NLRX1: variants seen among roughly 807,000 people sequenced by gnomAD.
The protein encoded by NLRX1 is NLR family member X1.
NLRX1 carries 67 observed loss-of-function variants against 74.2 expected under a neutral mutation model. That is an observed-to-expected ratio of 0.90 (90% CI 0.74 to 1.11). NLRX1 has a LOEUF of 1.11. Among genes scored for constraint, NLRX1 ranks in the 50% least tolerant of loss-of-function variants. The pLI, the probability that NLRX1 is intolerant of heterozygous loss-of-function variation, is 0.00. For synonymous variants in NLRX1, 506 were observed against 559.1 expected (o/e 0.91, Z 1.34); for missense variants, 1,191 against 1,305.4 (o/e 0.91, Z 1.35).
In NLRX1 at chr11:119,174,521, T is replaced by C. The variant is rs1369757042; in HGVS notation, c.918T>C (p.Tyr306=). Residue 306 remains tyrosine, a synonymous_variant, in exon 6 of 10, where the codon TAT becomes TAC. Transcript: ENST00000409109. ...GRIPSKYVGR[Y]GEICGFSDTN... ...TCCCCAGCAAGTACGTGGGCCGCTA[T>C]GGTGAGATCTGCGGTTTCTCTGATA... 1.1e-5 allele frequency: 17 copies of C among 1,614,132 alleles called. No individual in the cohort carries two copies. The highest frequency in any genetic ancestry group is 2.2e-5 in the East Asian group (1 of 44,900).
chr11:119,175,576 C>T (rs1948684094), intron 6 of NLRX1, among the ~76,000 whole-genome samples: 1 of 152,138 alleles, frequency 6.6e-6, no homozygotes, highest in South Asian at 2.1e-4. Context: ...AAATGGTTTC[C>T]TTTTTGTGTC....
intron 6 of NLRX1, 142 bp downstream of exon 6, chr11:119,175,416 C>A (rs1298054687): frequency 5.6e-6 from 4 of 719,202 alleles, no homozygotes; most frequent in African/African-American, 3.6e-5. Context: ...AGGTATGAAT[C>A]TTCTCCCTGG....
Position 119,180,191 on chromosome 11 carries a change from A to C in NLRX1, c.2170A>C (p.Arg724=), listed in dbSNP as rs1250975349. ...GGTGGCAGCTGTGCTGGGCAGCGGA[A>C]GGCATGCCCTGGATGAGGTGAACTT... ...TVVAAVLGSG[R]HALDEVNLAS... Residue 724 remains arginine, a synonymous_variant, in exon 7 of 10, where the codon AGG becomes CGG. Transcript: ENST00000409109. 5 of 1,612,774 alleles carry C rather than the reference A, an allele frequency of 3.1e-6. No homozygotes were observed. The East Asian group carries it at 8.9e-5, about 29-fold the overall frequency.
At chr11:119,178,698 C>CT (rs568546412) in intron 6 of NLRX1, among the ~76,000 whole-genome samples, 1,728 of 126,510 alleles carry the variant, frequency 0.014, 70 homozygotes, top group Admixed American at 0.089. Context: ...ACCCTGGAGG[C>CT]TTTTTTTTTT....
chr11:119,181,899 C>A (rs1298009025), intron 8 of NLRX1, among the ~76,000 whole-genome samples, 195 bp from the exon 9 acceptor site: 2 of 152,270 alleles, frequency 1.3e-5, no homozygotes, highest in Middle Eastern at 3.4e-3. Flanking sequence ...GCGCCACACC[C>A]CCTATTGCTC....
Position 119,173,509 on chromosome 11 carries a change from C to T in NLRX1, c.260C>T (p.Ala87Val), listed in dbSNP as rs890140862. 10 of 1,614,014 alleles carry T rather than the reference C, an allele frequency of 6.2e-6. No homozygotes were observed. The highest frequency in any genetic ancestry group is 3.3e-4 in the Middle Eastern group (2 of 6,062). Residue 87 changes from alanine (A) to valine (V), a missense_variant, in exon 5 of 10, where the codon GCT (alanine) becomes GTT (valine). Coordinates refer to ENST00000409109, the MANE Select transcript of NLRX1 (RefSeq NM_001282144.2). This position sits in a 1 kb window ranked among gnomAD's most constrained non-coding sequence, Gnocchi z 4.0. ...ATACAGCGGCACCGCCGGAACCTGG[C>T]TGAGTGGTTCAGCCGGCTGCCCAGG... is the stretch of plus-strand genomic sequence containing the variant. ...EAIQRHRRNL[A>V]EWFSRLPREE...
At chr11:119,182,953 C>A (rs1387836995) in intron 9 of NLRX1, among the ~76,000 whole-genome samples, 165 bp from the exon 10 acceptor site, 6 of 152,080 alleles carry the variant, frequency 3.9e-5, no homozygotes, top group Non-Finnish European at 7.4e-5. Context: ...TTAGTCCCTG[C>A]CTCCCACTGG....
chr11:119,182,299 G>A lies in NLRX1; in HGVS notation c.2560G>A (p.Ala854Thr), dbSNP rs1948860168. The A allele has an allele frequency of 6.2e-7, 1 of 1,613,416 alleles. No individual in the cohort carries two copies. Among genetic ancestry groups the A allele is most frequent in the Non-Finnish European group, 8.5e-7 (1 of 1,180,004 alleles). Residue 854 changes from alanine (A) to threonine (T), a missense_variant, in exon 9 of 10, where the codon GCC becomes ACC. Physicochemically the swap from Ala to Thr is moderately conservative, Grantham distance 58. Transcript: ENST00000409109. ...CGGTGCTGGTGACACAGCGGCCCTG[G>A]CCCTGGCCAGAGCTGCCCGGGAGCA... ...YNGAGDTAAL[A>T]LARAAREHPS...
intron 6 of NLRX1, among the ~76,000 whole-genome samples, chr11:119,178,970 C>CCA (rs1221884551): frequency 6.6e-6 from 1 of 152,146 alleles, no homozygotes; most frequent in African/African-American, 2.4e-5. Context: ...CGGGCATGAG[C>CCA]CACTGCACCT....
At chr11:119,171,306 T>G (rs1592319604) in intron 1 of NLRX1, 50 bp from the exon 2 acceptor site, 1 of 1,334,128 alleles carries the variant, frequency 7.5e-7, no homozygotes, top group Non-Finnish European at 1.0e-6. Context: ...GGGTTAGGGG[T>G]GCAGGGGAGG....
Position 119,174,455 on chromosome 11 carries a change from C to T in NLRX1, c.852C>T (p.Ala284=), listed in dbSNP as rs147963971. 108 of 1,612,638 alleles carry T rather than the reference C, an allele frequency of 6.7e-5. No homozygotes were observed. Among genetic ancestry groups the T allele is most frequent in the Non-Finnish European group, 8.6e-5 (101 of 1,179,052 alleles). The change falls in exon 6 of 10, where the codon GCC becomes GCT. Residue 284 remains alanine, a splice_region_variant and synonymous_variant. Transcript: ENST00000409109. The part of the protein sequence containing the change: ...NLLRKYMLPQ[A]SILVTTRPSA... ...ACTCTCAACCATGCTCTTCCCAGGC[C>T]AGCATTCTGGTGACCACTCGGCCCT...
In NLRX1 at chr11:119,179,974, C is replaced by A; in HGVS notation, c.1953C>A (p.Ala651=). 1 of 1,613,714 alleles carries A rather than the reference C, an allele frequency of 6.2e-7. No individual in the cohort carries two copies. The highest frequency in any genetic ancestry group is 8.5e-7 in the Non-Finnish European group (1 of 1,179,890). Reference sequence around the variant, plus strand: ...GCTGCCCCATCAAGAACCTGGATGCCCTGGAGAATGCCCAGGCCATCAAGA... The same window carrying A: ...GCTGCCCCATCAAGAACCTGGATGCACTGGAGAATGCCCAGGCCATCAAGA... The part of the protein sequence containing the change: ...QLGCPIKNLD[A]LENAQAIKKK... The change falls in exon 7 of 10, where the codon GCC becomes GCA. Residue 651 remains alanine (A), a synonymous_variant. Transcript: ENST00000409109.
In NLRX1 at chr11:119,174,013, G is replaced by A; in HGVS notation, c.764G>A (p.Gly255Asp). 6.2e-7 allele frequency: 1 copy of A among 1,614,162 alleles called. No individual in the cohort carries two copies. Among genetic ancestry groups the A allele is most frequent in the Non-Finnish European group, 8.5e-7 (1 of 1,180,028 alleles). ...EHLNLDFRLA[G>D]TGLCSDPEEP... Reference sequence around the variant, plus strand: ...CTCAACCTCGACTTCCGGCTGGCAGGCACGGGACTTTGTAGTGACCCGGAG... The same window carrying A: ...CTCAACCTCGACTTCCGGCTGGCAGACACGGGACTTTGTAGTGACCCGGAG... Residue 255 changes from glycine to aspartate, a missense_variant, in exon 5 of 10, where the codon GGC becomes GAC. Transcript: ENST00000409109.
intron 2 of NLRX1, 57 bp downstream of exon 2, chr11:119,171,530 A>G (rs1948548883): frequency 7.7e-7 from 1 of 1,297,536 alleles, no homozygotes; most frequent in Non-Finnish European, 1.1e-6. Flanking sequence ...CAGGGTCCAC[A>G]TGATGCCTCC....
Position 119,183,865 on chromosome 11 carries a change from A to C in NLRX1, c.*426A>C. ...TGTTGGAAGCTTCCCCTCCTGCCTT[A>C]TGCTCACCTGTGGACACCGAGGATG... is the stretch of plus-strand genomic sequence containing the variant. On this transcript the variant is annotated 3_prime_UTR_variant, in exon 10 of 10. Coordinates refer to ENST00000409109, the MANE Select transcript of NLRX1 (RefSeq NM_001282144.2). This position sits in a 1 kb window ranked among gnomAD's most constrained non-coding sequence, Gnocchi z 5.7. The C allele has an allele frequency of 1.3e-6, 1 of 780,764 alleles. No homozygotes were observed. The allele number at this position is 780,764 out of a possible 1,614,324, so 48.4% of individuals were successfully genotyped here. A position where few individuals can be genotyped will look rare whatever the true frequency, so the allele number is the denominator to read the frequency against.
chr11:119,174,561 C>A lies in NLRX1; in HGVS notation c.958C>A (p.Leu320Ile). The change falls in exon 6 of 10, where the codon CTC becomes ATC. Residue 320 changes from leucine to isoleucine, a missense_variant. Leu to Ile is a conservative substitution (Grantham distance 5). Transcript: ENST00000409109. ...CGFSDTNLQK[L>I]YFQLRLNQPY... ...TTTCTCTGATACCAACCTGCAGAAG[C>A]TCTACTTCCAGCTCCGCCTCAACCA... The A allele has an allele frequency of 6.2e-7, 1 of 1,614,200 alleles. No individual in the cohort carries two copies. The highest frequency in any genetic ancestry group is 8.5e-7 in the Non-Finnish European group (1 of 1,180,044).
At position 119,183,026 on chromosome 11, in the gene NLRX1, G is replaced by A; in HGVS notation, c.2607-92G>A. On this transcript the variant is annotated intron_variant, in intron 9 of 9. Coordinates refer to ENST00000409109, the MANE Select transcript of NLRX1 (RefSeq NM_001282144.2). This position sits in a 1 kb window ranked among gnomAD's most constrained non-coding sequence, Gnocchi z 5.7. ...ATCGCACTCTGCAGCCAGGAGATGAGTTGTGAGGCCCCCTGACTTTCCATC... is the reference window on the plus strand; with the variant it reads ...ATCGCACTCTGCAGCCAGGAGATGAATTGTGAGGCCCCCTGACTTTCCATC... The A allele has an allele frequency of 8.4e-7, 1 of 1,190,600 alleles. No homozygotes were observed. The highest frequency in any genetic ancestry group is 1.2e-6 in the Non-Finnish European group (1 of 844,988). The allele number at this position is 1,190,600 out of a possible 1,614,324, so 73.8% of individuals were successfully genotyped here.
In NLRX1 at chr11:119,182,201, A is replaced by G; in HGVS notation, c.2462A>G (p.Asp821Gly). The change falls in exon 9 of 10, where the codon GAC (aspartate) becomes GGC (glycine). Residue 821 changes from aspartate (D) to glycine (G), a missense_variant. Asp to Gly is a moderately conservative substitution (Grantham distance 94, BLOSUM62 -1). Coordinates refer to ENST00000409109, the MANE Select transcript of NLRX1 (RefSeq NM_001282144.2). Reference protein sequence around the residue: ...HLSLLHTGLGDEGLELLAAQL... With the variant: ...HLSLLHTGLGGEGLELLAAQL... ...TCCCTGCTGCACACGGGCCTTGGGG[A>G]CGAAGGCCTGGAGCTGCTGGCTGCC... 1 of 1,614,050 alleles carries G rather than the reference A, an allele frequency of 6.2e-7. No individual in the cohort carries two copies.
chr11:119,171,431 G>C lies in NLRX1; in HGVS notation c.28G>C (p.Ala10Pro). Residue 10 changes from alanine to proline, a missense_variant, in exon 2 of 10, where the codon GCC (alanine) becomes CCC (proline). Coordinates refer to ENST00000409109, the MANE Select transcript of NLRX1 (RefSeq NM_001282144.2). ...GAGGTGGGGCCACCATTTGCCCAGGGCCTCTTGGGGCTCTGGTTTTAGAAG... is the reference window on the plus strand; with the variant it reads ...GAGGTGGGGCCACCATTTGCCCAGGCCCTCTTGGGGCTCTGGTTTTAGAAG... The part of the protein sequence containing the change: MRWGHHLPR[A>P]SWGSGFRRAL... 6.2e-7 allele frequency: 1 copy of C among 1,613,962 alleles called. No homozygotes were observed. The highest frequency in any genetic ancestry group is 8.5e-7 in the Non-Finnish European group (1 of 1,179,944).
Sources: allele counts gnomAD v4.1 joint callset (sites outside exome capture counted in the v4.1 genomes callset), GRCh38; gene constraint gnomAD v4.1.1; non-coding constraint Gnocchi (gnomAD v3.1); transcripts MANE v1.5; gene names NCBI Gene and HGNC (gene_info 2026-07-23, HGNC 2026-07-21).